ANKFN1: variants seen among roughly 807,000 people sequenced by gnomAD.
ANKFN1 encodes the protein ankyrin repeat and fibronectin type III domain containing 1.
In ANKFN1, 74 loss-of-function variants were observed where a neutral mutation model predicts 108.7. The ratio of observed to expected loss-of-function variants is 0.68; its 90% CI spans 0.56 to 0.83. The LOEUF is 0.83. Among genes scored for constraint, ANKFN1 ranks in the 40% least tolerant of loss-of-function variants. ANKFN1 has a pLI of 0.00. For missense variants in ANKFN1, 1,505 were observed against 1,382.3 expected (o/e 1.09, Z -1.41); for synonymous variants, 547 against 516.2 (o/e 1.06, Z -0.81).
intron 4 of ANKFN1, among the ~76,000 whole-genome samples, chr17:56,084,185 T>C (rs1905280841): frequency 6.6e-6 from 1 of 151,194 alleles, no homozygotes; most frequent in African/African-American, 2.4e-5. Flanking sequence ...TAGAGACATA[T>C]TTTGGTTAGG....
intron 4 of ANKFN1, among the ~76,000 whole-genome samples, chr17:56,122,022 C>G (rs1263305067): frequency 1.3e-5 from 2 of 152,122 alleles, no homozygotes; most frequent in African/African-American, 2.4e-5. Context: ...GACAAACATT[C>G]ACTAGCACCT....
chr17:56,385,944 C>T (rs904637472), intron 8 of ANKFN1, among the ~76,000 whole-genome samples: 10 of 152,206 alleles, frequency 6.6e-5, no homozygotes, highest in African/African-American at 2.4e-4. Context: ...CTAGAAATGC[C>T]ATTTGACCCA....
chr17:56,147,260 G>C (rs1352651353), intron 4 of ANKFN1, among the ~76,000 whole-genome samples: 1 of 152,096 alleles, frequency 6.6e-6, no homozygotes, highest in Non-Finnish European at 1.5e-5. Context: ...AACTGTTCCA[G>C]CCTCTGCCTG....
intron 4 of ANKFN1, among the ~76,000 whole-genome samples, chr17:56,119,983 TCTCAG>T (rs1375148870): frequency 5.3e-5 from 8 of 152,162 alleles, no homozygotes; most frequent in African/African-American, 1.9e-4. Context: ...TCAAATCCTT[TCTCAG>T]GTTTTCGTTG....
At chr17:56,486,548 A>G (rs1342361192) in intron 18 of ANKFN1, among the ~76,000 whole-genome samples, 1 of 152,156 alleles carries the variant, frequency 6.6e-6, no homozygotes, top group African/African-American at 2.4e-5. Context: ...TCTGGCCACT[A>G]AGCATTTAAT....
At chr17:56,055,739 T>C (rs915378216) in intron 4 of ANKFN1, among the ~76,000 whole-genome samples, 1 of 150,954 alleles carries the variant, frequency 6.6e-6, no homozygotes, top group Non-Finnish European at 1.5e-5. Flanking sequence ...GGGTAGATAC[T>C]CAATAGTTAG....
intron 4 of ANKFN1, among the ~76,000 whole-genome samples, chr17:56,130,873 C>T (rs1243579287): frequency 6.6e-6 from 1 of 152,062 alleles, no homozygotes; most frequent in African/African-American, 2.4e-5. Flanking sequence ...CTTGTCAAAC[C>T]TCCTTGGACT....
intron 19 of ANKFN1, among the ~76,000 whole-genome samples, chr17:56,494,045 T>C (rs1348226381): frequency 6.6e-6 from 1 of 152,194 alleles, no homozygotes; most frequent in East Asian, 1.9e-4. Flanking sequence ...AAGTATGTAA[T>C]ACATTATATA....
intron 4 of ANKFN1, among the ~76,000 whole-genome samples, chr17:56,057,749 G>T (rs944685689): frequency 2.0e-5 from 3 of 151,270 alleles, no homozygotes; most frequent in Non-Finnish European, 4.4e-5. Context: ...TTGTGCCACT[G>T]CCCTCAGCCT....
chr17:56,454,035 A>G (rs1568013827), intron 11 of ANKFN1, among the ~76,000 whole-genome samples: 1 of 152,198 alleles, frequency 6.6e-6, no homozygotes, highest in Non-Finnish European at 1.5e-5. Context: ...ATACCCTTCA[A>G]TTGTGAGACA....
intron 4 of ANKFN1, among the ~76,000 whole-genome samples, chr17:56,089,619 CT>C (rs1316291015): frequency 3.3e-5 from 5 of 151,388 alleles, no homozygotes; most frequent in East Asian, 3.9e-4. Flanking sequence ...TTTTCTCCCC[CT>C]AATATAAATT....
intron 3 of ANKFN1, among the ~76,000 whole-genome samples, chr17:56,230,211 A>G (rs1351120106): frequency 1.3e-5 from 2 of 152,128 alleles, no homozygotes; most frequent in Non-Finnish European, 2.9e-5. Flanking sequence ...ATATGCCTCC[A>G]TAGAGGAATA....
intron 8 of ANKFN1, among the ~76,000 whole-genome samples, chr17:56,388,855 G>A (rs2047348502): frequency 6.6e-6 from 1 of 152,114 alleles, no homozygotes; most frequent in South Asian, 2.1e-4. Context: ...AAACTGCAAT[G>A]AACTATCATT....
At chr17:56,390,297 G>T (rs982692159) in intron 8 of ANKFN1, among the ~76,000 whole-genome samples, 3 of 152,002 alleles carry the variant, frequency 2.0e-5, no homozygotes. Flanking sequence ...AACATGGGGT[G>T]TTTGGTTTTC....
chr17:56,283,524 G>GATATATATATATATATATATAT lies in ANKFN1; in HGVS notation c.54-42683_54-42682insATATATATATATATATATATAT, dbSNP rs567333825. On this transcript the variant is annotated intron_variant, in intron 3 of 20. Coordinates refer to ENST00000682825, the MANE Select transcript of ANKFN1 (RefSeq NM_001370326.1). ...ATCAACAAATGGATAAAGAAACTGT[G>GATATATATATATATATATATAT]ATATATATATATATGATGGAATACT... 1.6e-4 allele frequency among the ~76,000 whole-genome samples: 23 copies of GATATATATATATATATATATAT among 141,600 alleles called. 3 individuals are homozygous for GATATATATATATATATATATAT. Among genetic ancestry groups the GATATATATATATATATATATAT allele is most frequent in the African/African-American group, 6.0e-4 (20 of 33,382 alleles). 92.9% of individuals were successfully genotyped at this position (141,600 alleles called of 152,430 possible). A position where few individuals can be genotyped will look rare whatever the true frequency, so the allele number is the denominator to read the frequency against.
chr17:56,443,092 A>G (rs971000634), intron 10 of ANKFN1, among the ~76,000 whole-genome samples, 159 bp downstream of exon 10: 5 of 152,200 alleles, frequency 3.3e-5, no homozygotes, highest in African/African-American at 1.2e-4. Flanking sequence ...CCCCTGCAGA[A>G]ATGCTCCTGG....
intron 3 of ANKFN1, among the ~76,000 whole-genome samples, chr17:56,299,227 T>C (rs755470523): frequency 2.6e-5 from 4 of 152,192 alleles, no homozygotes; most frequent in African/African-American, 7.2e-5. Context: ...TGGCTGATAG[T>C]ACAGAAGTGC....
At chr17:56,281,743 G>A (rs1320985548) in intron 3 of ANKFN1, among the ~76,000 whole-genome samples, 1 of 152,100 alleles carries the variant, frequency 6.6e-6, no homozygotes. Flanking sequence ...TTTTTTAAGT[G>A]CTGAAATTCA....
intron 4 of ANKFN1, among the ~76,000 whole-genome samples, chr17:56,057,441 G>T (rs981815933): frequency 6.6e-6 from 1 of 152,110 alleles, no homozygotes; most frequent in Non-Finnish European, 1.5e-5. Flanking sequence ...AGACTTGAAG[G>T]CTGGGCACAG....
Sources: gnomAD v4.1 joint callset for allele counts (sites outside exome capture counted in the v4.1 genomes callset) on GRCh38, gnomAD v4.1.1 for gene constraint, MANE v1.5 for transcripts, NCBI Gene and HGNC (gene_info 2026-07-23, HGNC 2026-07-21) for gene names.